Variants in CCDC91 observed in about 807,000 individuals in gnomAD.
The protein encoded by CCDC91 is coiled-coil domain-containing protein 91.
Under a neutral mutation model 63.2 loss-of-function variants are expected in CCDC91, and 48 were observed. That is an observed-to-expected ratio of 0.76 (90% CI 0.60 to 0.97). The LOEUF is 0.97. Ranked by LOEUF, CCDC91 falls within the 50% of genes least tolerant of loss-of-function variation. The pLI is 0.00. For synonymous variants in CCDC91, 167 were observed against 165.8 expected (o/e 1.01, Z -0.06); for missense variants, 500 against 494.6 (o/e 1.01, Z -0.10).
At chr12:28,266,341 T>G (rs1338549589) in intron 3 of CCDC91, among the ~76,000 whole-genome samples, 1 of 152,004 alleles carries the variant, frequency 6.6e-6, no homozygotes, top group Non-Finnish European at 1.5e-5. Context: ...GAATCTCAAT[T>G]AGCAAATCTA....
intron 12 of CCDC91, among the ~76,000 whole-genome samples, chr12:28,507,334 T>C (rs1938851247): frequency 6.6e-6 from 1 of 151,976 alleles, no homozygotes; most frequent in Non-Finnish European, 1.5e-5. Context: ...TAATTCTTTG[T>C]TGTGGGGGCT....
intron 8 of CCDC91, among the ~76,000 whole-genome samples, chr12:28,421,865 A>G (rs957953085): frequency 3.3e-5 from 5 of 151,840 alleles, no homozygotes; most frequent in Non-Finnish European, 5.9e-5. Flanking sequence ...GTATCCTATC[A>G]TTTCTGTTCC....
At chr12:28,487,380 T>C (rs1313967992) in intron 12 of CCDC91, among the ~76,000 whole-genome samples, 1 of 151,874 alleles carries the variant, frequency 6.6e-6, no homozygotes, top group African/African-American at 2.4e-5. Context: ...TATATTCTTA[T>C]TTTCCAAAAA....
At chr12:28,316,596 T>A (rs1486453213) in intron 6 of CCDC91, among the ~76,000 whole-genome samples, 1 of 145,976 alleles carries the variant, frequency 6.9e-6, no homozygotes, top group Non-Finnish European at 1.5e-5. Context: ...ATTCTTTTAT[T>A]TTCTATAGGG....
At chr12:28,541,234 CA>C (rs1207227354) in intron 12 of CCDC91, among the ~76,000 whole-genome samples, 3 of 152,076 alleles carry the variant, frequency 2.0e-5, no homozygotes, top group African/African-American at 7.2e-5. Context: ...CAAGTATTAA[CA>C]GTTAAAACAA....
At chr12:28,260,968 T>C (rs1479144270) in intron 3 of CCDC91, among the ~76,000 whole-genome samples, 1 of 152,050 alleles carries the variant, frequency 6.6e-6, no homozygotes, top group Non-Finnish European at 1.5e-5. Flanking sequence ...TTAAAAAGTT[T>C]TATCATTTGA....
At chr12:28,254,164 CA>C (rs1181492701) in intron 1 of CCDC91, among the ~76,000 whole-genome samples, 2 of 151,648 alleles carry the variant, frequency 1.3e-5, no homozygotes, top group East Asian at 1.9e-4. Flanking sequence ...TACAATAAGG[CA>C]AAAAAAGAGA....
In CCDC91 at chr12:28,475,737, G is replaced by C. The variant is rs1467648481; in HGVS notation, c.1102-8315G>C. On this transcript the variant is annotated intron_variant, in intron 11 of 12. Transcript: ENST00000536442. Reference sequence around the variant, plus strand: ...AGTAAGAAAGCTCTTACCAGATGTGGCCCCAGTAAGAAAGCTCTTACCAGA... The same window carrying C: ...AGTAAGAAAGCTCTTACCAGATGTGCCCCCAGTAAGAAAGCTCTTACCAGA... Among the ~76,000 whole-genome samples the C allele has an allele frequency of 1.7e-3, 252 of 151,802 alleles. 4 individuals carry two copies. The highest frequency in any genetic ancestry group is 7.4e-5 in the Non-Finnish European group (5 of 67,956).
chr12:28,503,153 A>G (rs562349012), intron 12 of CCDC91, among the ~76,000 whole-genome samples: 80 of 152,294 alleles, frequency 5.3e-4, no homozygotes, highest in Non-Finnish European at 9.3e-4. Flanking sequence ...GGCAACCTAT[A>G]AAATGGGAGA....
chr12:28,491,378 C>A (rs1203368885), intron 12 of CCDC91, among the ~76,000 whole-genome samples: 1 of 151,564 alleles, frequency 6.6e-6, no homozygotes, highest in Non-Finnish European at 1.5e-5. Context: ...AAGCTTAAAG[C>A]CTTATTTTGG....
intron 3 of CCDC91, among the ~76,000 whole-genome samples, chr12:28,294,412 A>G (rs1191629611): frequency 6.6e-6 from 1 of 152,010 alleles, no homozygotes; most frequent in Non-Finnish European, 1.5e-5. Context: ...TTCTTGTGGT[A>G]ATGAGTTCTC....
At chr12:28,241,136 A>C (rs1945305484) in intron 1 of CCDC91, among the ~76,000 whole-genome samples, 1 of 152,042 alleles carries the variant, frequency 6.6e-6, no homozygotes, top group Non-Finnish European at 1.5e-5. Flanking sequence ...ATTTCTCTAA[A>C]GATTGGTGAT....
At chr12:28,316,471 G>T (rs778001309) in intron 6 of CCDC91, among the ~76,000 whole-genome samples, 1 of 143,984 alleles carries the variant, frequency 6.9e-6, no homozygotes, top group South Asian at 2.3e-4. Flanking sequence ...CATTTTCCAA[G>T]TATCTTTTAG....
At chr12:28,204,026 G>C (rs1942662779) in intron 1 of CCDC91, among the ~76,000 whole-genome samples, 1 of 152,136 alleles carries the variant, frequency 6.6e-6, no homozygotes, top group African/African-American at 2.4e-5. Flanking sequence ...GTCTAGACAT[G>C]TATTTGTGGG....
At chr12:28,272,211 G>C (rs1947818271) in intron 3 of CCDC91, among the ~76,000 whole-genome samples, 1 of 151,832 alleles carries the variant, frequency 6.6e-6, no homozygotes, top group South Asian at 2.1e-4. Context: ...ACTACATAAA[G>C]ATACCTTATT....
At chr12:28,425,394 T>G (rs1000136146) in intron 8 of CCDC91, among the ~76,000 whole-genome samples, 3 of 152,050 alleles carry the variant, frequency 2.0e-5, no homozygotes, top group Non-Finnish European at 4.4e-5. Context: ...CTCCTAGCCC[T>G]CTCCCCTTTC....
At chr12:28,423,903 G>T (rs923138103) in intron 8 of CCDC91, among the ~76,000 whole-genome samples, 1 of 152,154 alleles carries the variant, frequency 6.6e-6, no homozygotes, top group African/African-American at 2.4e-5. Flanking sequence ...ACTTCTAAAA[G>T]GTTGTATTCA....
chr12:28,447,819 A>G (rs1378004244), intron 8 of CCDC91, among the ~76,000 whole-genome samples: 30 of 3,334 alleles, frequency 9.0e-3, no homozygotes, highest in Admixed American at 0.018. Context: ...AGGGAGGGGA[A>G]GGGAGGGGAG....
intron 6 of CCDC91, among the ~76,000 whole-genome samples, chr12:28,311,091 ATT>A (rs768429916): frequency 8.7e-4 from 133 of 152,080 alleles, no homozygotes; most frequent in Non-Finnish European, 1.4e-3. Flanking sequence ...AAGATTAACC[ATT>A]TTGTTAATGT....
Sources: gnomAD v4.1 joint callset for allele counts (sites outside exome capture counted in the v4.1 genomes callset) on GRCh38, gnomAD v4.1.1 for gene constraint, MANE v1.5 for transcripts, NCBI Gene and HGNC (gene_info 2026-07-23, HGNC 2026-07-21) for gene names.